Variants in HTR7 observed in about 807,000 individuals in gnomAD.
HTR7 encodes the protein 5-hydroxytryptamine receptor 7.
In HTR7, 16 loss-of-function variants were observed where a neutral mutation model predicts 34.0. The ratio of observed to expected loss-of-function variants is 0.47; its 90% CI spans 0.32 to 0.71. The LOEUF is 0.71. Ranked by LOEUF, HTR7 falls within the 30% of genes least tolerant of loss-of-function variation. The pLI is 0.04. For synonymous variants in HTR7, 265 were observed against 260.2 expected (o/e 1.02, Z -0.18); for missense variants, 504 against 625.5 (o/e 0.81, Z 2.07).
rs535603728 is a variant in HTR7 at position 90,844,499 on chromosome 10, G to A, written c.539+12634C>T. On this transcript the variant is annotated intron_variant, in intron 1 of 3. Transcript: ENST00000336152. ...CCAGCACTTTGGGAGGCAGAGGCAG[G>A]CGGATCATGAGGTCAGGAGATCGAG... is the stretch of plus-strand genomic sequence containing the variant. Among the ~76,000 whole-genome samples the A allele has an allele frequency of 2.1e-3, 322 of 151,972 alleles. 1 individual carries two copies. The highest frequency in any genetic ancestry group is 0.01 in the Middle Eastern group (3 of 294).
chr10:90,834,885 T>C (rs1846230494), intron 1 of HTR7, among the ~76,000 whole-genome samples: 1 of 152,118 alleles, frequency 6.6e-6, no homozygotes, highest in Non-Finnish European at 1.5e-5. Flanking sequence ...GGTGTGCATG[T>C]AGGAACAGGA....
chr10:90,849,409 A>G (rs1564702831), intron 1 of HTR7, among the ~76,000 whole-genome samples: 1 of 152,224 alleles, frequency 6.6e-6, no homozygotes. Flanking sequence ...AAAAAAACAC[A>G]TATTAGAGAA....
intron 1 of HTR7, among the ~76,000 whole-genome samples, chr10:90,818,541 A>G (rs1477961271): frequency 6.6e-6 from 1 of 152,054 alleles, no homozygotes; most frequent in East Asian, 1.9e-4. Context: ...GTGAGACTCC[A>G]TCTCAAAAAA....
intron 1 of HTR7, among the ~76,000 whole-genome samples, chr10:90,851,604 CAA>C (rs34310653): frequency 5.8e-5 from 4 of 69,180 alleles, no homozygotes; most frequent in Admixed American, 1.8e-4. Context: ...GACTCCGTCC[CAA>C]AAAAAAAAAA....
rs1846616375 is a variant in HTR7 at position 90,857,717 on chromosome 10, G to C, written c.-46C>G. On this transcript the variant is annotated 5_prime_UTR_variant, in exon 1 of 4. Transcript: ENST00000336152. This position sits in a 1 kb window ranked among gnomAD's most constrained non-coding sequence, Gnocchi z 6.5. ...CCCATGGAGCCGGCGCCCCGGCCACGCGCCTCCGGCTGCCGGCCCCGGGGC... is the reference window on the plus strand; with the variant it reads ...CCCATGGAGCCGGCGCCCCGGCCACCCGCCTCCGGCTGCCGGCCCCGGGGC... The C allele has an allele frequency of 3.5e-6, 5 of 1,425,624 alleles. No homozygotes were observed. Among genetic ancestry groups the C allele is most frequent in the Non-Finnish European group, 4.5e-6 (5 of 1,102,242 alleles). The allele number at this position is 1,425,624 out of a possible 1,614,324, so 88.3% of individuals were successfully genotyped here. A position where few individuals can be genotyped will look rare whatever the true frequency, so the allele number is the denominator to read the frequency against.
At chr10:90,810,168 G>T (rs562784861) in intron 1 of HTR7, among the ~76,000 whole-genome samples, 1 of 152,138 alleles carries the variant, frequency 6.6e-6, no homozygotes, top group Admixed American at 6.5e-5. Flanking sequence ...ATCCCCACCT[G>T]CCCAGTTCCC....
intron 2 of HTR7, 155 bp downstream of exon 2, chr10:90,748,684 G>T: frequency 1.3e-6 from 1 of 790,060 alleles, no homozygotes; most frequent in Non-Finnish European, 1.9e-6. Flanking sequence ...TTTACTGGGT[G>T]GAAGACTGGA....
At chr10:90,748,059 A>C (rs1204107641) in intron 2 of HTR7, among the ~76,000 whole-genome samples, 1 of 152,202 alleles carries the variant, frequency 6.6e-6, no homozygotes, top group Non-Finnish European at 1.5e-5. Context: ...CTTCCTTGAA[A>C]GTCACTAAGA....
intron 1 of HTR7, among the ~76,000 whole-genome samples, chr10:90,834,693 C>T (rs1003873680): frequency 7.9e-5 from 12 of 152,242 alleles, no homozygotes; most frequent in African/African-American, 2.9e-4. Context: ...CCAATGAGGG[C>T]TTCTTCACAT....
chr10:90,785,217 T>A (rs1194008612), intron 1 of HTR7, among the ~76,000 whole-genome samples: 2 of 152,282 alleles, frequency 1.3e-5, no homozygotes, highest in Non-Finnish European at 2.9e-5. Flanking sequence ...TGATATGACA[T>A]AAGCATTAAA....
At chr10:90,849,634 T>A (rs1478221455) in intron 1 of HTR7, among the ~76,000 whole-genome samples, 4 of 152,240 alleles carry the variant, frequency 2.6e-5, no homozygotes, top group Non-Finnish European at 4.4e-5. Context: ...GAGTGAATTT[T>A]ATTCCAAGTG....
rs79490871 is a variant in HTR7, at chr10:90,838,426, C to T, written c.539+18707G>A. On this transcript the variant is annotated intron_variant, in intron 1 of 3. Transcript: ENST00000336152. ...CACTACTCCAACCCAGTCCAAGCTA[C>T]GATTACCTCTTGCCTTGACTAACGT... is the stretch of plus-strand genomic sequence containing the variant. Among the ~76,000 whole-genome samples, 724 of 152,292 alleles carry T rather than the reference C, an allele frequency of 4.8e-3. 5 individuals are homozygous for T. Among genetic ancestry groups the T allele is most frequent in the African/African-American group, 0.015 (626 of 41,564 alleles).
chr10:90,795,678 A>G (rs879834762), intron 1 of HTR7, among the ~76,000 whole-genome samples: 2 of 152,212 alleles, frequency 1.3e-5, no homozygotes, highest in Non-Finnish European at 2.9e-5. Context: ...TTAAAAATAC[A>G]TCCATGACAC....
At chr10:90,806,298 T>TC (rs1845705488) in intron 1 of HTR7, among the ~76,000 whole-genome samples, 1 of 152,150 alleles carries the variant, frequency 6.6e-6, no homozygotes, top group Non-Finnish European at 1.5e-5. Flanking sequence ...AGCTGTGCTG[T>TC]ATTAAGTTCC....
chr10:90,839,361 G>C (rs1435374186), intron 1 of HTR7, among the ~76,000 whole-genome samples: 2 of 152,280 alleles, frequency 1.3e-5, no homozygotes, highest in East Asian at 3.9e-4. Context: ...ATGGATTGGA[G>C]CATGCCTTTT....
chr10:90,758,767 C>T (rs1472444426), intron 1 of HTR7, among the ~76,000 whole-genome samples: 1 of 151,506 alleles, frequency 6.6e-6, no homozygotes, highest in Non-Finnish European at 1.5e-5. Flanking sequence ...AAGACCACTG[C>T]AGGCATTTGG....
intron 1 of HTR7, among the ~76,000 whole-genome samples, chr10:90,813,059 C>A (rs1227291664): frequency 1.3e-5 from 2 of 151,566 alleles, no homozygotes; most frequent in African/African-American, 4.9e-5. Context: ...CACCTTGCAA[C>A]CCCCACTCCT....
chr10:90,851,160 A>G (rs1846492175), intron 1 of HTR7, among the ~76,000 whole-genome samples: 1 of 152,234 alleles, frequency 6.6e-6, no homozygotes, highest in Admixed American at 6.5e-5. Context: ...TAAAAAAGAC[A>G]CATTACCTTC....
intron 1 of HTR7, among the ~76,000 whole-genome samples, chr10:90,808,093 T>C (rs1845731720): frequency 1.3e-5 from 2 of 152,170 alleles, no homozygotes; most frequent in Non-Finnish European, 2.9e-5. Context: ...TGTTTAATAA[T>C]TGCAGATACG....
Sources: gnomAD v4.1 joint callset for allele counts (sites outside exome capture counted in the v4.1 genomes callset) on GRCh38, gnomAD v4.1.1 for gene constraint, Gnocchi (gnomAD v3.1) non-coding constraint, MANE v1.5 for transcripts, NCBI Gene and HGNC (gene_info 2026-07-23, HGNC 2026-07-21) for gene names.